The following PIK3R3 variants were observed in gnomAD, a reference collection of about 807,000 sequenced individuals.
PIK3R3 encodes the protein phosphoinositide-3-kinase regulatory subunit 3.
Under a neutral mutation model 62.9 loss-of-function variants are expected in PIK3R3, and 64 were observed. That is an observed-to-expected ratio of 1.02 (90% CI 0.83 to 1.25). PIK3R3 has a LOEUF of 1.25. Among genes scored for constraint, PIK3R3 ranks in the 50% most tolerant of loss-of-function variants. PIK3R3 has a pLI of 0.00. For synonymous variants in PIK3R3, 165 were observed against 189.0 expected (o/e 0.87, Z 1.04); for missense variants, 614 against 561.6 (o/e 1.09, Z -0.94).
In PIK3R3 at chr1:46,132,267, C is replaced by T. The variant is rs1655680459; in HGVS notation, c.-315G>A. 4 of 1,131,028 alleles carry T rather than the reference C, an allele frequency of 3.5e-6. No homozygotes were observed. The South Asian group carries it at 9.1e-5, about 26-fold the overall frequency. 70.1% of individuals were successfully genotyped at this position (1,131,028 alleles called of 1,614,324 possible). On this transcript the variant is annotated 5_prime_UTR_variant, in exon 1 of 10. Transcript: ENST00000262741. ...AAAATCCTTTCTACACAGTCGCTCT[C>T]CGGGGAGAAAAGCTCCCACCGCCTC...
upstream of PIK3R3, among the ~76,000 whole-genome samples, chr1:46,136,263 A>T (rs1655928967): frequency 6.6e-6 from 1 of 152,142 alleles, no homozygotes; most frequent in African/African-American, 2.4e-5. Context: ...AAAGCCCTAC[A>T]AATTATCAGT....
the PIK3R3 span, among the ~76,000 whole-genome samples, chr1:46,166,809 G>A: frequency 1.3e-5 from 2 of 152,204 alleles, no homozygotes; most frequent in South Asian, 4.1e-4. Flanking sequence ...CCGGATAGGG[G>A]ACGTGGATTC....
At chr1:46,088,261 G>A (rs571250147) in intron 1 of PIK3R3, among the ~76,000 whole-genome samples, 1 of 152,034 alleles carries the variant, frequency 6.6e-6, no homozygotes, top group East Asian at 1.9e-4. Context: ...AGATAAAATG[G>A]TTAAAATGAT....
In PIK3R3 at chr1:46,096,149, A is replaced by G. The variant is rs1056989612; in HGVS notation, c.107-15399T>C. On this transcript the variant is annotated intron_variant, in intron 1 of 9. Transcript: ENST00000262741. ...GTATAGAATGAGTGGGCACGCATAT[A>G]CACTTACGTCATTCAAATAAATACT... 2.0e-5 allele frequency among the ~76,000 whole-genome samples: 3 copies of G among 152,218 alleles called. No individual in the cohort carries two copies. In the South Asian group the frequency reaches 6.2e-4, roughly 32 times the overall value.
chr1:46,115,303 CTTTGT>C (rs1001893291), intron 1 of PIK3R3, among the ~76,000 whole-genome samples: 41 of 152,178 alleles, frequency 2.7e-4, no homozygotes, highest in African/African-American at 9.4e-4. Flanking sequence ...TTCAAATTCC[CTTTGT>C]TTTAACTAAT....
At chr1:46,133,947 C>A (rs74523130), upstream of PIK3R3, among the ~76,000 whole-genome samples, 1 of 152,076 alleles carries the variant, frequency 6.6e-6, no homozygotes, top group South Asian at 2.1e-4. Flanking sequence ...TTCCCACCCC[C>A]AAAGCTTAAA....
intron 1 of PIK3R3, among the ~76,000 whole-genome samples, chr1:46,099,032 T>C (rs929653884): frequency 1.3e-5 from 2 of 152,168 alleles, no homozygotes; most frequent in African/African-American, 2.4e-5. Flanking sequence ...AGGACTTCTT[T>C]TGGGGTGATA....
chr1:46,129,476 T>A (rs899837561), intron 1 of PIK3R3, among the ~76,000 whole-genome samples: 1 of 152,030 alleles, frequency 6.6e-6, no homozygotes, highest in African/African-American at 2.4e-5. Context: ...CAGAGGTTTT[T>A]AAACCCATTG....
the PIK3R3 span, among the ~76,000 whole-genome samples, chr1:46,159,116 T>TAAATAAATAAATA: frequency 1.4e-5 from 2 of 143,898 alleles, no homozygotes; most frequent in East Asian, 2.0e-4. Context: ...AATAAATAAA[T>TAAATAAATAAATA]AAATAAAATA....
At chr1:46,117,333 T>C (rs1418454150) in intron 1 of PIK3R3, among the ~76,000 whole-genome samples, 3 of 151,900 alleles carry the variant, frequency 2.0e-5, no homozygotes, top group Non-Finnish European at 4.4e-5. Flanking sequence ...CTCAGGAGGC[T>C]GGGGCAGGAG....
chr1:46,159,145 A>T, the PIK3R3 span, among the ~76,000 whole-genome samples: 1 of 151,180 alleles, frequency 6.6e-6, no homozygotes, highest in African/African-American at 2.4e-5. Flanking sequence ...AATAATCCCC[A>T]TGGCACTCTC....
intron 1 of PIK3R3, among the ~76,000 whole-genome samples, chr1:46,120,580 T>C (rs1654588777): frequency 1.3e-5 from 2 of 152,020 alleles, no homozygotes; most frequent in Admixed American, 6.6e-5. Context: ...TCAAAAAAAA[T>C]AGAAAATGAG....
At chr1:46,084,310 T>C (rs1156867532) in intron 1 of PIK3R3, among the ~76,000 whole-genome samples, 1 of 152,150 alleles carries the variant, frequency 6.6e-6, no homozygotes, top group Non-Finnish European at 1.5e-5. Flanking sequence ...TTCAGGGTAA[T>C]GAAAATATTC....
chr1:46,148,538 C>T, the PIK3R3 span, among the ~76,000 whole-genome samples: 1 of 152,136 alleles, frequency 6.6e-6, no homozygotes, highest in Admixed American at 6.5e-5. Context: ...TACTCCTGAA[C>T]CAATCAGAGT....
chr1:46,054,532 AC>A (rs1358610869), intron 7 of PIK3R3, among the ~76,000 whole-genome samples: 1 of 151,962 alleles, frequency 6.6e-6, no homozygotes, highest in African/African-American at 2.4e-5. Flanking sequence ...TCTATGGAAA[AC>A]CCAGATTCAG....
chr1:46,051,154 T>C (rs370330855), intron 7 of PIK3R3, among the ~76,000 whole-genome samples: 2 of 152,172 alleles, frequency 1.3e-5, no homozygotes, highest in South Asian at 2.1e-4. Context: ...ACTAAAAACA[T>C]TGAATAATAC....
At chr1:46,090,548 T>A (rs1166069529) in intron 1 of PIK3R3, among the ~76,000 whole-genome samples, 1 of 152,104 alleles carries the variant, frequency 6.6e-6, no homozygotes, top group African/African-American at 2.4e-5. Context: ...CTGGCCAGGC[T>A]GGTCTCAAAC....
the PIK3R3 span, among the ~76,000 whole-genome samples, chr1:46,163,046 T>C: frequency 6.6e-6 from 1 of 152,246 alleles, no homozygotes; most frequent in African/African-American, 2.4e-5. Flanking sequence ...TGTTCTTACC[T>C]ATGAAGAATA....
chr1:46,043,708 G>C lies in PIK3R3; in HGVS notation c.1351C>G (p.Pro451Ala), dbSNP rs753143926. ...AGCGAGGGCATCTGTGCATGAACAG[G>C]GTAGGCAAGCCTGACGTTGAGGGAG... ...NDSLNVRLAYPVHAQMPSLCR is the reference protein window; with the variant it reads ...NDSLNVRLAYAVHAQMPSLCR Residue 451 changes from proline (P) to alanine (A), a missense_variant, in exon 10 of 10, where the codon CCT becomes GCT. Physicochemically the swap from Pro to Ala is conservative, Grantham distance 27. Transcript: ENST00000262741. 1.2e-6 allele frequency: 2 copies of C among 1,614,180 alleles called. No individual in the cohort carries two copies. Among genetic ancestry groups the C allele is most frequent in the Non-Finnish European group, 1.7e-6 (2 of 1,180,034 alleles).
Sources: allele counts gnomAD v4.1 joint callset (sites outside exome capture counted in the v4.1 genomes callset), GRCh38; gene constraint gnomAD v4.1.1; transcripts MANE v1.5; gene names NCBI Gene and HGNC (gene_info 2026-07-23, HGNC 2026-07-21).